The following AKT3 variants were observed in gnomAD, a reference collection of about 807,000 sequenced individuals.
AKT3 encodes the protein RAC-gamma serine/threonine-protein kinase.
A neutral mutation model predicts 65.3 loss-of-function variants in AKT3; 15 were observed. The observed-to-expected ratio is 0.23, with a 90% CI of 0.15 to 0.35. The LOEUF (loss-of-function observed/expected upper bound fraction) is 0.35, where lower values mean the gene tolerates loss of function less well. AKT3 is among the 10% of genes least tolerant of loss of function. The pLI is 1.00. For synonymous variants in AKT3, 206 were observed against 183.8 expected, an observed-to-expected ratio of 1.12 and a Z score of -0.98; for missense variants, 243 against 576.5, an observed-to-expected ratio of 0.42 and a Z score of 5.92.
chr1:243,786,407 T>C (rs754687999), intron 2 of AKT3, among the ~76,000 whole-genome samples: 5 of 152,194 alleles, frequency 3.3e-5, no homozygotes, highest in Non-Finnish European at 7.3e-5. Context: ...AAAAGCAGGA[T>C]AGTCAGTTAT....
intron 12 of AKT3, among the ~76,000 whole-genome samples, chr1:243,533,701 T>G (rs528738178): frequency 6.6e-6 from 1 of 152,066 alleles, no homozygotes; most frequent in Non-Finnish European, 1.5e-5. Flanking sequence ...GATAAAAAAC[T>G]GTAAGAAGGC....
intron 4 of AKT3, among the ~76,000 whole-genome samples, chr1:243,658,526 T>C (rs967924938): frequency 9.9e-5 from 15 of 152,098 alleles, no homozygotes; most frequent in African/African-American, 3.6e-4. Context: ...GTTGGGAATG[T>C]AAAATAACGT....
At chr1:243,717,260 C>A (rs1686571755) in intron 2 of AKT3, among the ~76,000 whole-genome samples, 1 of 152,138 alleles carries the variant, frequency 6.6e-6, no homozygotes, top group South Asian at 2.1e-4. Flanking sequence ...GTATTAAAGT[C>A]TTTTAGTATA....
chr1:243,630,161 G>A (rs1438594361), intron 6 of AKT3, among the ~76,000 whole-genome samples: 2 of 152,118 alleles, frequency 1.3e-5, no homozygotes, highest in Non-Finnish European at 2.9e-5. Flanking sequence ...CCCCCACCAA[G>A]TTACATGTCT....
At chr1:243,686,131 C>T (rs1223597074) in intron 3 of AKT3, among the ~76,000 whole-genome samples, 1 of 152,110 alleles carries the variant, frequency 6.6e-6, no homozygotes, top group Non-Finnish European at 1.5e-5. Context: ...GAAAAACATT[C>T]CATGCTCATG....
chr1:243,642,375 T>C (rs1680467287), intron 5 of AKT3, among the ~76,000 whole-genome samples: 1 of 152,250 alleles, frequency 6.6e-6, no homozygotes, highest in Admixed American at 6.5e-5. Flanking sequence ...AGTGGCACGA[T>C]CTCGGCTCAC....
intron 10 of AKT3, among the ~76,000 whole-genome samples, chr1:243,561,312 C>T (rs1673758211): frequency 6.6e-6 from 1 of 151,946 alleles, no homozygotes; most frequent in African/African-American, 2.4e-5. Flanking sequence ...TTTTGATTAC[C>T]TTTTCCTGTT....
chr1:243,779,744 C>G (rs933178727), intron 2 of AKT3, among the ~76,000 whole-genome samples: 7 of 151,990 alleles, frequency 4.6e-5, no homozygotes, highest in African/African-American at 1.4e-4. Context: ...AACCAGAGCT[C>G]CCTAGAGAGC....
intron 12 of AKT3, among the ~76,000 whole-genome samples, chr1:243,532,978 T>G (rs2148417145): frequency 6.6e-6 from 1 of 152,334 alleles, no homozygotes; most frequent in Admixed American, 6.5e-5. Flanking sequence ...TCTATTTCTC[T>G]CAAGTCAGGA....
intron 2 of AKT3, among the ~76,000 whole-genome samples, chr1:243,767,386 T>C (rs947121592): frequency 1.3e-5 from 2 of 152,182 alleles, no homozygotes; most frequent in African/African-American, 2.4e-5. Context: ...TTATCATGCC[T>C]ATGGTTTCGT....
In AKT3 at chr1:243,688,617, T is replaced by G. The variant is rs144947593; in HGVS notation, c.172+6974A>C. 1.5e-3 allele frequency among the ~76,000 whole-genome samples: 223 copies of G among 152,276 alleles called. 1 individual carries two copies. Among genetic ancestry groups the G allele is most frequent in the Non-Finnish European group, 2.3e-3 (155 of 68,012 alleles). ...AAGCACTGAGCTAGGATGGTAGCAG[T>G]AAGACTGAAAAGGATGAGGACTAAA... On this transcript the variant is annotated intron_variant, in intron 3 of 13. Coordinates refer to ENST00000673466, the MANE Select transcript of AKT3 (RefSeq NM_005465.7).
chr1:243,707,727 C>T lies in AKT3; in HGVS notation c.47-12011G>A, dbSNP rs1381476549. 2.6e-5 allele frequency among the ~76,000 whole-genome samples: 4 copies of T among 151,986 alleles called. No individual in the cohort carries two copies. The East Asian group carries it at 7.7e-4, about 29-fold the overall frequency. On this transcript the variant is annotated intron_variant, in intron 2 of 13. Transcript: ENST00000673466. ...CTTCCCCACTCTTCCTTTCTTATTA[C>T]AAAAATTAATCATCATCTAATCCCC...
At chr1:243,820,971 A>G (rs1035883900) in intron 2 of AKT3, among the ~76,000 whole-genome samples, 2 of 152,130 alleles carry the variant, frequency 1.3e-5, no homozygotes, top group African/African-American at 4.8e-5. Context: ...CAACCCCAAG[A>G]CACATAATCA....
chr1:243,526,274 G>A (rs796256075), intron 12 of AKT3, among the ~76,000 whole-genome samples: 3 of 152,120 alleles, frequency 2.0e-5, no homozygotes, highest in African/African-American at 7.2e-5. Flanking sequence ...GTGTTAATTC[G>A]TACCGCCTGA....
chr1:243,496,976 G>A (rs541582484), downstream of AKT3, among the ~76,000 whole-genome samples: 1 of 152,316 alleles, frequency 6.6e-6, no homozygotes, highest in East Asian at 1.9e-4. Context: ...TGAGCTGCAG[G>A]ACAGCCACAG....
At chr1:243,824,245 T>C (rs1313943548) in intron 2 of AKT3, among the ~76,000 whole-genome samples, 1 of 152,092 alleles carries the variant, frequency 6.6e-6, no homozygotes, top group Admixed American at 6.6e-5. Context: ...TTACATCATA[T>C]ACAAAAATTA....
In AKT3 at chr1:243,503,321, C is replaced by A. The variant is rs577602285; in HGVS notation, c.*1928G>T. The A allele has an allele frequency of 4.3e-6, 1 of 233,714 alleles. No individual in the cohort carries two copies. The highest frequency in any genetic ancestry group is 2.2e-5 in the African/African-American group (1 of 45,456). The allele number at this position is 233,714 out of a possible 1,614,324, so 14.5% of individuals were successfully genotyped here. A position where few individuals can be genotyped will look rare whatever the true frequency, so the allele number is the denominator to read the frequency against. ...CAGCAGTGGTTTCATAGCTATAAAT[C>A]CACACTTCCAGCGTCAAGAGGCTAA... On this transcript the variant is annotated 3_prime_UTR_variant, in exon 14 of 14. Coordinates refer to ENST00000673466, the MANE Select transcript of AKT3 (RefSeq NM_005465.7).
At chr1:243,761,215 C>T (rs1689470746) in intron 2 of AKT3, among the ~76,000 whole-genome samples, 1 of 152,006 alleles carries the variant, frequency 6.6e-6, no homozygotes, top group South Asian at 2.1e-4. Flanking sequence ...AAAACAGAAG[C>T]CAAACTTGAA....
intron 2 of AKT3, 101 bp downstream of exon 2, chr1:243,843,024 G>A (rs1396004801): frequency 6.6e-6 from 8 of 1,218,250 alleles, no homozygotes; most frequent in East Asian, 2.4e-5. Context: ...GACATAGCAT[G>A]ACACAGTTTA....
Sources: gnomAD v4.1 joint callset for allele counts (sites outside exome capture counted in the v4.1 genomes callset) on GRCh38, gnomAD v4.1.1 for gene constraint, MANE v1.5 for transcripts, NCBI Gene and HGNC (gene_info 2026-07-23, HGNC 2026-07-21) for gene names.